Variants in SNAPC3 observed in about 807,000 individuals in gnomAD.
SNAPC3 encodes small nuclear RNA activating complex polypeptide 3.
Under a neutral mutation model 47.7 loss-of-function variants are expected in SNAPC3, and 56 were observed. The observed-to-expected ratio is 1.18, with a 90% CI of 0.95 to 1.47. The LOEUF (loss-of-function observed/expected upper bound fraction) is 1.47, where lower values mean the gene tolerates loss of function less well. Ranked by LOEUF, SNAPC3 falls within the 40% of genes most tolerant of loss-of-function variation. The pLI is 0.00. For missense variants in SNAPC3, 665 were observed against 511.3 expected (o/e 1.30, Z -2.90); for synonymous variants, 235 against 189.9 (o/e 1.24, Z -1.95).
At chr9:15,463,103 G>C (rs965684117), downstream of SNAPC3, 6 of 151,052 alleles carry the variant, frequency 4.0e-5, no homozygotes, top group African/African-American at 1.2e-4. Context: ...CTCTCCAGTT[G>C]TTCACATACC....
rs56988447 is a variant in SNAPC3, at chr9:15,437,627, T to TG, written c.477+3991_477+3992insG. On this transcript the variant is annotated intron_variant, in intron 3 of 8. Transcript: ENST00000380821. ...AGTCGAGGTAATGATCTGTTGTTTT[T>TG]TTTTTTTTTTTGCCCCATCATTCCA... Among the ~76,000 whole-genome samples the TG allele has an allele frequency of 3.2e-3, 482 of 151,662 alleles. 4 individuals carry two copies. The highest frequency in any genetic ancestry group is 0.011 in the African/African-American group (454 of 41,216).
intron 3 of SNAPC3, among the ~76,000 whole-genome samples, chr9:15,442,832 G>A (rs544792640): frequency 2.0e-4 from 30 of 152,296 alleles, no homozygotes; most frequent in African/African-American, 7.0e-4. Flanking sequence ...CTGGGAGGTG[G>A]AGGTTGTAGC....
At chr9:15,443,413 G>A (rs2033669539) in intron 3 of SNAPC3, among the ~76,000 whole-genome samples, 1 of 151,980 alleles carries the variant, frequency 6.6e-6, no homozygotes, top group African/African-American at 2.4e-5. Context: ...TTGAGAACTA[G>A]ACATTCTAGG....
intron 5 of SNAPC3, among the ~76,000 whole-genome samples, chr9:15,450,213 C>T (rs1297039751): frequency 6.6e-6 from 1 of 152,102 alleles, no homozygotes; most frequent in South Asian, 2.1e-4. Flanking sequence ...GCTTTACTCA[C>T]ATTTTACATG....
chr9:15,465,803 G>T (rs773031997), downstream of SNAPC3: 15 of 456,122 alleles, frequency 3.3e-5, no homozygotes, highest in Non-Finnish European at 4.6e-5. Context: ...ATATGCAGAT[G>T]AAGCAAAATA....
intron 6 of SNAPC3, among the ~76,000 whole-genome samples, chr9:15,452,392 C>T (rs1295114494): frequency 6.6e-6 from 1 of 150,436 alleles, no homozygotes; most frequent in Admixed American, 6.7e-5. Context: ...GATTTCGGCT[C>T]ACCACAGCCT....
chr9:15,433,731 T>C (rs2032459813), intron 3 of SNAPC3, 95 bp downstream of exon 3: 1 of 726,272 alleles, frequency 1.4e-6, no homozygotes, highest in East Asian at 2.6e-5. Context: ...AGCTTTATAC[T>C]GGATATGCTT....
At chr9:15,466,523 C>T (rs569794682), downstream of SNAPC3, among the ~76,000 whole-genome samples, 22 of 152,334 alleles carry the variant, frequency 1.4e-4, no homozygotes, top group Admixed American at 2.0e-4. Context: ...TTCTTTTTAA[C>T]TGGGTTCCCA....
intron 2 of SNAPC3, among the ~76,000 whole-genome samples, chr9:15,427,089 T>C (rs2031504304): frequency 6.6e-6 from 1 of 152,252 alleles, no homozygotes; most frequent in African/African-American, 2.4e-5. Flanking sequence ...CTGGTACTTT[T>C]TCTTTCCCAC....
intron 3 of SNAPC3, among the ~76,000 whole-genome samples, chr9:15,441,842 A>G (rs1276693221): frequency 6.6e-6 from 1 of 152,036 alleles, no homozygotes; most frequent in Non-Finnish European, 1.5e-5. Context: ...TTTTCCCCAC[A>G]TTTCCCCCTT....
rs1296154959 is a variant in SNAPC3 at position 15,460,357 on chromosome 9, A to T, written c.*491A>T. On this transcript the variant is annotated 3_prime_UTR_variant, in exon 9 of 9. Transcript: ENST00000380821. ...ACTGTAATGGAAACTAGGGAGAATG[A>T]ATTATTTACAAATAAGACAAAATTA... is the stretch of plus-strand genomic sequence containing the variant. 1 of 152,388 alleles carries T rather than the reference A, an allele frequency of 6.6e-6. No individual in the cohort carries two copies. The highest frequency in any genetic ancestry group is 1.5e-5 in the Non-Finnish European group (1 of 68,058). The allele number at this position is 152,388 out of a possible 1,614,324, so 9.4% of individuals were successfully genotyped here.
intron 2 of SNAPC3, among the ~76,000 whole-genome samples, chr9:15,430,187 T>TTG (rs1371750301): frequency 6.6e-6 from 1 of 152,176 alleles, no homozygotes; most frequent in Non-Finnish European, 1.5e-5. Context: ...TCTCAACACT[T>TTG]GGGGAGGCCA....
intron 6 of SNAPC3, 24 bp downstream of exon 6, chr9:15,451,426 A>G (rs990381826): frequency 3.5e-6 from 4 of 1,151,012 alleles, no homozygotes; most frequent in Non-Finnish European, 3.8e-6. Context: ...AAATCTTCTC[A>G]AAGTCTTTCC....
chr9:15,431,039 C>G (rs1193129965), intron 2 of SNAPC3, among the ~76,000 whole-genome samples: 12 of 152,330 alleles, frequency 7.9e-5, no homozygotes, highest in African/African-American at 2.6e-4. Context: ...GGAGAGACTT[C>G]TCAGGAGTCT....
At chr9:15,439,909 CT>C (rs1338416755) in intron 3 of SNAPC3, among the ~76,000 whole-genome samples, 1 of 152,190 alleles carries the variant, frequency 6.6e-6, no homozygotes, top group Non-Finnish European at 1.5e-5. Context: ...TGTGGTTTGA[CT>C]TAGGATGTTT....
intron 1 of SNAPC3, 149 bp downstream of exon 1, chr9:15,423,342 A>T: frequency 2.5e-6 from 2 of 800,302 alleles, no homozygotes; most frequent in Non-Finnish European, 3.7e-6. Flanking sequence ...AACCCGCTGG[A>T]GCCTTCCTGG....
intron 3 of SNAPC3, among the ~76,000 whole-genome samples, chr9:15,436,924 A>C (rs955753559): frequency 1.6e-4 from 23 of 147,250 alleles, no homozygotes; most frequent in African/African-American, 5.6e-4. Context: ...CCCGGGTTCG[A>C]GCGATTCTCC....
At chr9:15,451,248 G>A (rs2034362415) in intron 5 of SNAPC3, 72 bp from the exon 6 acceptor site, 5 of 576,224 alleles carry the variant, frequency 8.7e-6, no homozygotes. Flanking sequence ...TATCTATTTT[G>A]AATTAATACT....
At chr9:15,439,973 T>C (rs1035755423) in intron 3 of SNAPC3, among the ~76,000 whole-genome samples, 2 of 152,228 alleles carry the variant, frequency 1.3e-5, no homozygotes, top group African/African-American at 4.8e-5. Flanking sequence ...ACTTGTGATG[T>C]ATTTTATTTA....
Sources: allele counts gnomAD v4.1 joint callset (sites outside exome capture counted in the v4.1 genomes callset), GRCh38; gene constraint gnomAD v4.1.1; transcripts MANE v1.5; gene names NCBI Gene and HGNC (gene_info 2026-07-23, HGNC 2026-07-21).